TRPM6: variants seen among roughly 807,000 people sequenced by gnomAD.
TRPM6 encodes the protein channel kinase 2.
TRPM6 carries 111 observed loss-of-function variants against 247.6 expected under a neutral mutation model. The observed-to-expected ratio is 0.45, with a 90% CI of 0.38 to 0.52. TRPM6 has a LOEUF of 0.52. Ranked by LOEUF, TRPM6 falls within the 20% of genes least tolerant of loss-of-function variation. The pLI is 0.00. For missense variants in TRPM6, 2,126 were observed against 2,421.5 expected (o/e 0.88, Z 2.56); for synonymous variants, 892 against 853.8 (o/e 1.04, Z -0.78).
chr9:74,873,729 G>T (rs576969015), intron 1 of TRPM6, among the ~76,000 whole-genome samples: 1 of 151,978 alleles, frequency 6.6e-6, no homozygotes, highest in Non-Finnish European at 1.5e-5. Context: ...AAATTATAAA[G>T]ATTTTTTATC....
intron 6 of TRPM6, among the ~76,000 whole-genome samples, chr9:74,831,544 C>G (rs962566400): frequency 6.6e-6 from 1 of 152,048 alleles, no homozygotes; most frequent in East Asian, 1.9e-4. Flanking sequence ...ACAGCCTTTA[C>G]TCTGAGAAAC....
At chr9:74,866,714 C>G (rs1424783443) in intron 1 of TRPM6, among the ~76,000 whole-genome samples, 1 of 152,146 alleles carries the variant, frequency 6.6e-6, no homozygotes, top group Non-Finnish European at 1.5e-5. Flanking sequence ...CTCCTGACCT[C>G]AGGTGATACA....
chr9:74,862,096 G>GGAAA (rs1554731469), intron 1 of TRPM6, among the ~76,000 whole-genome samples: 2 of 100,544 alleles, frequency 2.0e-5, no homozygotes, highest in Non-Finnish European at 1.9e-5. Context: ...AAAACTACCA[G>GGAAA]AAAAAAAAAA....
chr9:74,763,159 C>G, intron 25 of TRPM6, 25 bp from the exon 26 acceptor site: 2 of 1,601,358 alleles, frequency 1.2e-6, no homozygotes, highest in South Asian at 1.1e-5. Context: ...AGGGAGAAAA[C>G]CAACAAGCAC....
At chr9:74,858,553 A>C in intron 2 of TRPM6, 116 bp downstream of exon 2, 1 of 635,486 alleles carries the variant, frequency 1.6e-6, no homozygotes, top group Non-Finnish European at 2.7e-6. Context: ...AAACATTGAA[A>C]ATTCTAACTT....
At chr9:74,740,483 T>C (rs531650430) in intron 33 of TRPM6, among the ~76,000 whole-genome samples, 25 of 152,356 alleles carry the variant, frequency 1.6e-4, no homozygotes, top group African/African-American at 5.3e-4. Context: ...TTTCAAATTT[T>C]AGATTTTTTC....
chr9:74,728,231 T>C lies in TRPM6; in HGVS notation c.5935+8A>G. On this transcript the variant is annotated splice_region_variant and intron_variant, in intron 38 of 38. Transcript: ENST00000360774. Reference sequence around the variant, plus strand: ...TACTTAGAGAAAAAAGAACTGTTAGTGGCATACCCGGGAGTTTGAGCTTCC... The same window carrying C: ...TACTTAGAGAAAAAAGAACTGTTAGCGGCATACCCGGGAGTTTGAGCTTCC... 1 of 1,603,454 alleles carries C rather than the reference T, an allele frequency of 6.2e-7. No homozygotes were observed. Among genetic ancestry groups the C allele is most frequent in the Non-Finnish European group, 8.5e-7 (1 of 1,170,324 alleles).
chr9:74,810,905 A>G (rs773626033), intron 12 of TRPM6, 37 bp from the exon 13 acceptor site: 3 of 1,561,336 alleles, frequency 1.9e-6, no homozygotes, highest in South Asian at 1.1e-5. Flanking sequence ...TATTCTCTTT[A>G]ATTACCATGT....
chr9:74,747,901 T>A lies in TRPM6; in HGVS notation c.5071A>T (p.Ile1691Phe). 6.2e-7 allele frequency: 1 copy of A among 1,611,250 alleles called. No individual in the cohort carries two copies. The highest frequency in any genetic ancestry group is 8.5e-7 in the Non-Finnish European group (1 of 1,178,606). Residue 1691 changes from isoleucine (I) to phenylalanine (F), a missense_variant, in exon 31 of 39, where the codon ATT (isoleucine) becomes TTT (phenylalanine). Ile to Phe is a conservative substitution (Grantham distance 21). Around this residue, in one of 3 missense-constraint regions of TRPM6, gnomAD observed 717 missense variants for 715.9 expected, o/e 1.00. Coordinates refer to ENST00000360774, the MANE Select transcript of TRPM6 (RefSeq NM_017662.5). The part of the protein sequence containing the change: ...LNRNSLLKSS[I>F]GVDKISASLK... The stretch of plus-strand genomic sequence containing the variant: ...CAGAAAAACTTACTGTCAACTCCAA[T>A]TGAACTTTTCAGCCTGTTTGAAAAA...
chr9:74,738,027 A>G (rs1425050467), intron 36 of TRPM6, among the ~76,000 whole-genome samples: 3 of 152,108 alleles, frequency 2.0e-5, no homozygotes, highest in Non-Finnish European at 4.4e-5. Flanking sequence ...TGCTAAAGCA[A>G]TGAGCTCAAA....
chr9:74,794,790 T>G (rs951112799), intron 18 of TRPM6, among the ~76,000 whole-genome samples: 9 of 152,130 alleles, frequency 5.9e-5, no homozygotes, highest in Non-Finnish European at 2.9e-5. Context: ...TCAGATTTTT[T>G]TTTACTGAGA....
intron 33 of TRPM6, 47 bp from the exon 34 acceptor site, chr9:74,740,056 T>A: frequency 6.3e-7 from 1 of 1,591,800 alleles, no homozygotes; most frequent in Non-Finnish European, 8.6e-7. Context: ...TTGCCATGTC[T>A]GTGACATGAA....
intron 21 of TRPM6, among the ~76,000 whole-genome samples, 191 bp downstream of exon 21, chr9:74,785,683 C>T (rs564974916): frequency 2.6e-5 from 4 of 152,180 alleles, no homozygotes; most frequent in South Asian, 2.1e-4. Flanking sequence ...CCACCATGCC[C>T]GGCTAATTTT....
chr9:74,729,730 G>A (rs1195778001), intron 37 of TRPM6, among the ~76,000 whole-genome samples: 14 of 152,196 alleles, frequency 9.2e-5, no homozygotes, highest in African/African-American at 7.2e-5. Context: ...AGGATTCTAC[G>A]ATGCCAATAA....
chr9:74,814,358 A>G (rs1319674110), intron 11 of TRPM6, among the ~76,000 whole-genome samples: 1 of 152,172 alleles, frequency 6.6e-6, no homozygotes, highest in Non-Finnish European at 1.5e-5. Context: ...AATAGTTAGA[A>G]AGAATGAATA....
At chr9:74,766,139 A>T (rs1487002896) in intron 25 of TRPM6, among the ~76,000 whole-genome samples, 1 of 152,246 alleles carries the variant, frequency 6.6e-6, no homozygotes, top group Non-Finnish European at 1.5e-5. Context: ...CAGCAGTCAC[A>T]TCGAATGGAT....
At chr9:74,761,879 C>T in intron 26 of TRPM6, 71 bp from the exon 27 acceptor site, 2 of 1,509,232 alleles carry the variant, frequency 1.3e-6, no homozygotes, top group Non-Finnish European at 1.8e-6. Flanking sequence ...ACAGAAAAAG[C>T]TGAGAGAATG....
chr9:74,876,764 C>G (rs77831946), intron 1 of TRPM6, among the ~76,000 whole-genome samples: 3,228 of 152,272 alleles, frequency 0.021, 130 homozygotes, highest in African/African-American at 0.075. Flanking sequence ...GTGAGACTAA[C>G]TATATAAAAC....
At position 74,879,831 on chromosome 9, in the gene TRPM6, T is replaced by G. The variant is rs1445409631; in HGVS notation, c.33+7993A>C. Among the ~76,000 whole-genome samples the G allele has an allele frequency of 3.3e-5, 5 of 152,290 alleles. No homozygotes were observed. In the East Asian group the frequency reaches 7.7e-4, roughly 24 times the overall value. ...TTTATAATTAACCAGCAAATGTGTT[T>G]CCCTAAGTTCTGTGAGCCGCCCCAG... On this transcript the variant is annotated intron_variant, in intron 1 of 38. Coordinates refer to ENST00000360774, the MANE Select transcript of TRPM6 (RefSeq NM_017662.5).
Sources: gnomAD v4.1 joint callset for allele counts (sites outside exome capture counted in the v4.1 genomes callset) on GRCh38, gnomAD v4.1.1 for gene constraint, gnomAD v4.1.1 regional missense constraint, MANE v1.5 for transcripts, NCBI Gene and HGNC (gene_info 2026-07-23, HGNC 2026-07-21) for gene names.